The following CD8B2 variants were observed in gnomAD, a reference collection of about 807,000 sequenced individuals.
The protein encoded by CD8B2 is CD8B family member 2.
CD8B2 carries 11 observed loss-of-function variants against 23.7 expected under a neutral mutation model. The ratio of observed to expected loss-of-function variants is 0.46; its 90% CI spans 0.29 to 0.77. The LOEUF (loss-of-function observed/expected upper bound fraction) is 0.77. CD8B2 is among the 30% of genes least tolerant of loss of function. The pLI is 0.09. For missense variants in CD8B2, 197 were observed against 270.5 expected (o/e 0.73, Z 1.91); for synonymous variants, 90 against 109.3 (o/e 0.82, Z 1.10).
At chr2:106,523,252 G>C (rs368435969) in intron 5 of CD8B2, among the ~76,000 whole-genome samples, 4 of 152,200 alleles carry the variant, frequency 2.6e-5, no homozygotes, top group East Asian at 1.9e-4. Context: ...AGTGATCCTC[G>C]ATCACCTGGC....
chr2:106,543,493 G>T (rs1680209466), intron 5 of CD8B2, among the ~76,000 whole-genome samples: 1 of 152,120 alleles, frequency 6.6e-6, no homozygotes, highest in Admixed American at 6.5e-5. Context: ...CTGCACTACT[G>T]CACTCCAGCC....
At chr2:106,501,754 G>A (rs1679412410) in intron 3 of CD8B2, among the ~76,000 whole-genome samples, 1 of 152,102 alleles carries the variant, frequency 6.6e-6, no homozygotes, top group Non-Finnish European at 1.5e-5. Context: ...GAAAGAGAAA[G>A]TTACTAAATT....
chr2:106,506,153 G>T (rs1371417863), intron 5 of CD8B2, among the ~76,000 whole-genome samples: 1 of 151,832 alleles, frequency 6.6e-6, no homozygotes, highest in Non-Finnish European at 1.5e-5. Flanking sequence ...AAAAAAGAAA[G>T]TTCCGTTCAA....
At chr2:106,515,015 C>T (rs1015422233), downstream of CD8B2, among the ~76,000 whole-genome samples, 29 of 152,200 alleles carry the variant, frequency 1.9e-4, no homozygotes, top group East Asian at 7.7e-4. Flanking sequence ...AATAATCGAG[C>T]GCTACAGCTT....
At chr2:106,536,608 G>C (rs1459352814) in intron 5 of CD8B2, among the ~76,000 whole-genome samples, 1 of 152,206 alleles carries the variant, frequency 6.6e-6, no homozygotes, top group Non-Finnish European at 1.5e-5. Flanking sequence ...CAGCTTTGCT[G>C]TAGAGAACAA....
chr2:106,500,753 A>G (rs1317703400), intron 3 of CD8B2, among the ~76,000 whole-genome samples: 1 of 151,954 alleles, frequency 6.6e-6, no homozygotes, highest in Non-Finnish European at 1.5e-5. Flanking sequence ...CCCCTCAGCT[A>G]CTCAAGGGAC....
chr2:106,501,537 C>T (rs1326109710), intron 3 of CD8B2, among the ~76,000 whole-genome samples: 3 of 152,082 alleles, frequency 2.0e-5, no homozygotes, highest in Non-Finnish European at 2.9e-5. Context: ...CAAAAATTAG[C>T]CAGGCATGAC....
At chr2:106,539,933 C>G (rs997010071) in intron 5 of CD8B2, among the ~76,000 whole-genome samples, 9 of 152,184 alleles carry the variant, frequency 5.9e-5, no homozygotes, top group Non-Finnish European at 1.0e-4. Context: ...ATCGTTAAAT[C>G]TATTTCATAG....
chr2:106,539,607 G>A (rs2104577535), intron 5 of CD8B2, among the ~76,000 whole-genome samples: 1 of 152,248 alleles, frequency 6.6e-6, no homozygotes, highest in East Asian at 1.9e-4. Flanking sequence ...CCAGCTTACA[G>A]GATGTTTCAC....
intron 5 of CD8B2, among the ~76,000 whole-genome samples, chr2:106,506,415 C>T (rs1558879147): frequency 6.6e-6 from 1 of 152,198 alleles, no homozygotes; most frequent in Non-Finnish European, 1.5e-5. Context: ...GTACTCTCTT[C>T]TACTGTCTGG....
At chr2:106,521,008 T>C (rs61705093) in intron 5 of CD8B2, among the ~76,000 whole-genome samples, 155 of 144,874 alleles carry the variant, frequency 1.1e-3, no homozygotes, top group South Asian at 6.9e-3. Context: ...AAAAAAAAAA[T>C]CATAATGTTT....
intron 2 of CD8B2, among the ~76,000 whole-genome samples, chr2:106,495,298 G>A (rs949825257): frequency 2.5e-4 from 38 of 152,190 alleles, no homozygotes; most frequent in African/African-American, 8.4e-4. Flanking sequence ...TTTGGAGCCC[G>A]AGGTGAGTGG....
At chr2:106,491,859 C>A (rs910374815) in intron 2 of CD8B2, among the ~76,000 whole-genome samples, 1 of 152,118 alleles carries the variant, frequency 6.6e-6, no homozygotes, top group Non-Finnish European at 1.5e-5. Flanking sequence ...AGGCATTATT[C>A]TTCTTATGGG....
chr2:106,535,835 G>A (rs2104575645), intron 5 of CD8B2, among the ~76,000 whole-genome samples: 1 of 152,188 alleles, frequency 6.6e-6, no homozygotes, highest in South Asian at 2.1e-4. Flanking sequence ...CTGAGGCTGG[G>A]CAACTTATTA....
Position 106,507,160 on chromosome 2 carries a change from C to A in CD8B2, c.*220C>A. 7.2e-7 allele frequency: 1 copy of A among 1,396,944 alleles called. No homozygotes were observed. The highest frequency in any genetic ancestry group is 9.3e-7 in the Non-Finnish European group (1 of 1,072,004). 86.5% of individuals were successfully genotyped at this position (1,396,944 alleles called of 1,614,324 possible). On this transcript the variant is annotated 3_prime_UTR_variant, in exon 6 of 6. Coordinates refer to ENST00000643224, the MANE Select transcript of CD8B2 (RefSeq NM_001349727.2). The stretch of plus-strand genomic sequence containing the variant: ...TACTAGGGAGAAGGTTTCATTGCCC[C>A]CAGGGCACTTCACAGAGTGTGCTGG...
At chr2:106,531,451 T>C (rs534572860) in intron 5 of CD8B2, among the ~76,000 whole-genome samples, 3 of 152,300 alleles carry the variant, frequency 2.0e-5, no homozygotes, top group Non-Finnish European at 4.4e-5. Context: ...TTCTGTCCTC[T>C]ATCACACGAG....
At chr2:106,516,049 C>T (rs1454328300), downstream of CD8B2, among the ~76,000 whole-genome samples, 1 of 151,762 alleles carries the variant, frequency 6.6e-6, no homozygotes, top group African/African-American at 2.4e-5. Flanking sequence ...AGGCTGATCT[C>T]GAACTCCTGA....
At chr2:106,541,444 G>A (rs1680172528) in intron 5 of CD8B2, among the ~76,000 whole-genome samples, 1 of 152,172 alleles carries the variant, frequency 6.6e-6, no homozygotes, top group Admixed American at 6.5e-5. Context: ...ATTATTGGCT[G>A]TCAGAACTTG....
intron 5 of CD8B2, among the ~76,000 whole-genome samples, chr2:106,525,046 G>A (rs1016110222): frequency 6.6e-6 from 1 of 152,188 alleles, no homozygotes; most frequent in African/African-American, 2.4e-5. Context: ...CACAGGGCTG[G>A]AGACACCAAC....
Sources: gnomAD v4.1 joint callset for allele counts (sites outside exome capture counted in the v4.1 genomes callset) on GRCh38, gnomAD v4.1.1 for gene constraint, MANE v1.5 for transcripts, NCBI Gene and HGNC (gene_info 2026-07-23, HGNC 2026-07-21) for gene names.